Variants in OR7E24 observed in about 807,000 individuals in gnomAD.
The protein encoded by OR7E24 is olfactory receptor 7E24.
For missense variants in OR7E24, 385 were observed against 410.3 expected, an observed-to-expected ratio of 0.94 and a Z score of 0.53; for synonymous variants, 130 against 157.5, an observed-to-expected ratio of 0.83 and a Z score of 1.31.
chr19:9,250,922 A>G (rs1032705041), upstream of OR7E24: 10 of 707,826 alleles, frequency 1.4e-5, no homozygotes, highest in Middle Eastern at 6.1e-4. Context: ...AAGTAACTCT[A>G]AGGAAATTGG....
chr19:9,231,762 T>C, the OR7E24 span, among the ~76,000 whole-genome samples: 1 of 152,212 alleles, frequency 6.6e-6, no homozygotes, highest in Non-Finnish European at 1.5e-5. Flanking sequence ...ATATTAAGCC[T>C]GTTTGCTATT....
the OR7E24 span, among the ~76,000 whole-genome samples, chr19:9,230,090 G>GC: frequency 6.7e-5 from 10 of 149,560 alleles, no homozygotes; most frequent in Non-Finnish European, 1.3e-4. Flanking sequence ...TATTACCCAA[G>GC]CTGGAGTGCA....
At chr19:9,231,756 T>A in the OR7E24 span, among the ~76,000 whole-genome samples, 1 of 152,224 alleles carries the variant, frequency 6.6e-6, no homozygotes, top group Non-Finnish European at 1.5e-5. Context: ...ATCCTAATAT[T>A]AAGCCTGTTT....
chr19:9,233,051 G>A, the OR7E24 span, among the ~76,000 whole-genome samples: 1 of 152,042 alleles, frequency 6.6e-6, no homozygotes, highest in Non-Finnish European at 1.5e-5. Context: ...CAATTACTAA[G>A]CTCTCTGAGT....
upstream of OR7E24, among the ~76,000 whole-genome samples, chr19:9,242,413 A>AT (rs35486121): frequency 2.7e-3 from 414 of 151,838 alleles, 6 homozygotes; most frequent in African/African-American, 9.3e-3. Flanking sequence ...CACCTGGCTA[A>AT]TTTTTTTTGT....
At chr19:9,245,935 T>G (rs533496279), upstream of OR7E24, among the ~76,000 whole-genome samples, 2 of 152,216 alleles carry the variant, frequency 1.3e-5, no homozygotes, top group African/African-American at 4.8e-5. Context: ...GTGCACGGAC[T>G]GGTGGCTGAC....
the OR7E24 span, among the ~76,000 whole-genome samples, chr19:9,220,917 G>T: frequency 2.4e-4 from 37 of 152,274 alleles, no homozygotes; most frequent in Non-Finnish European, 4.4e-4. Context: ...GATGAAGTGA[G>T]GTGATATCTC....
chr19:9,227,535 T>C, the OR7E24 span, among the ~76,000 whole-genome samples: 1 of 152,050 alleles, frequency 6.6e-6, no homozygotes, highest in Non-Finnish European at 1.5e-5. Flanking sequence ...CCTGATATCA[T>C]TCTTTTTTAT....
the OR7E24 span, among the ~76,000 whole-genome samples, chr19:9,227,237 C>CTTT: frequency 1.4e-5 from 2 of 145,328 alleles, no homozygotes; most frequent in Admixed American, 1.4e-4. Context: ...CATTCTTTCT[C>CTTT]TTTTTTTTTT....
chr19:9,227,915 G>A, the OR7E24 span, among the ~76,000 whole-genome samples: 3 of 150,606 alleles, frequency 2.0e-5, no homozygotes, highest in African/African-American at 4.9e-5. Context: ...CACTACGCCC[G>A]GCTAATTTTT....
chr19:9,219,547 A>G, the OR7E24 span: 2 of 152,180 alleles, frequency 1.3e-5, no homozygotes, highest in Non-Finnish European at 2.9e-5. Flanking sequence ...TCTGATGGTT[A>G]TCACTGAAGT....
At chr19:9,243,487 C>T (rs1050057265), upstream of OR7E24, among the ~76,000 whole-genome samples, 10 of 151,954 alleles carry the variant, frequency 6.6e-5, no homozygotes, top group African/African-American at 2.4e-4. Context: ...CATCATCACA[C>T]CCAGTTAGGG....
At chr19:9,243,041 T>A, upstream of OR7E24, among the ~76,000 whole-genome samples, 1 of 152,200 alleles carries the variant, frequency 6.6e-6, no homozygotes, top group East Asian at 1.9e-4. Flanking sequence ...AGATTTGTTC[T>A]CTCATATAGT....
chr19:9,206,587 T>C, the OR7E24 span: 1 of 152,096 alleles, frequency 6.6e-6, no homozygotes, highest in Middle Eastern at 3.2e-3. Context: ...ACTGCAACCT[T>C]AAGGAAATGA....
rs1300668305 is a variant in OR7E24, at chr19:9,251,166, G to A, written c.123G>A (p.Leu41=). ...TGGGACTCTCAGAGGATCCAGAACT[G>A]CAGCCGGTCCTCGCTGGGCTGTTCC... ...LLLGLSEDPE[L]QPVLAGLFLS... The change falls in exon 1 of 1, where the codon CTG becomes CTA. Residue 41 remains leucine (L), a synonymous_variant. Coordinates refer to ENST00000456448, the MANE Select transcript of OR7E24 (RefSeq NM_001079935.2). The A allele has an allele frequency of 1.2e-6, 2 of 1,613,762 alleles. No individual in the cohort carries two copies. The highest frequency in any genetic ancestry group is 2.2e-5 in the East Asian group (1 of 44,884).
chr19:9,251,407 T>C lies in OR7E24; in HGVS notation c.364T>C (p.Phe122Leu), dbSNP rs200199432. The C allele has an allele frequency of 1.2e-4, 196 of 1,614,156 alleles. 2 individuals carry two copies. The African/African-American group carries it at 2.2e-3, about 18-fold the overall frequency. ...YEGCLTQMSF[F>L]VLFACMDDML... Reference sequence around the variant, plus strand: ...AGGCTGCCTGACTCAGATGTCTTTTTTTGTCCTTTTTGCATGTATGGATGA... The same window carrying C: ...AGGCTGCCTGACTCAGATGTCTTTTCTTGTCCTTTTTGCATGTATGGATGA... Residue 122 changes from phenylalanine (F) to leucine (L), a missense_variant, in exon 1 of 1, where the codon TTT (phenylalanine) becomes CTT (leucine). Phe to Leu is a conservative substitution (Grantham distance 22). Transcript: ENST00000456448.
At position 9,250,986 on chromosome 19, in the gene OR7E24, T is replaced by G. The variant is rs1568335968; in HGVS notation, c.-58T>G. ...GGGTGTATAATCCTATGTGAAAACT[T>G]AATTTCTTAATTGCTTGTATCCAAA... On this transcript the variant is annotated 5_prime_UTR_variant, in exon 1 of 1. Transcript: ENST00000456448. The G allele has an allele frequency of 2.3e-6, 3 of 1,314,946 alleles. No homozygotes were observed. The East Asian group carries it at 7.6e-5, about 33-fold the overall frequency. 81.5% of individuals were successfully genotyped at this position (1,314,946 alleles called of 1,614,324 possible).
At chr19:9,233,274 A>G in the OR7E24 span, among the ~76,000 whole-genome samples, 2 of 152,198 alleles carry the variant, frequency 1.3e-5, no homozygotes, top group African/African-American at 4.8e-5. Flanking sequence ...TTTTTCTACC[A>G]TGGTAAATGT....
rs753734011 is a variant in OR7E24, at chr19:9,251,140, C to G, written c.97C>G (p.Leu33Val). 1.9e-6 allele frequency: 3 copies of G among 1,613,228 alleles called. No individual in the cohort carries two copies. The highest frequency in any genetic ancestry group is 2.5e-6 in the Non-Finnish European group (3 of 1,179,328). ...CACAGGTGTCTCAGAATTCCTCCTC[C>G]TGGGACTCTCAGAGGATCCAGAACT... Reference protein sequence around the residue: ...NLTGVSEFLLLGLSEDPELQP... With the variant: ...NLTGVSEFLLVGLSEDPELQP... Residue 33 changes from leucine (L) to valine (V), a missense_variant, in exon 1 of 1, where the codon CTG (leucine) becomes GTG (valine). Physicochemically the swap from Leu to Val is conservative, Grantham distance 32 (BLOSUM62 1). Transcript: ENST00000456448.
Sources: allele counts gnomAD v4.1 joint callset (sites outside exome capture counted in the v4.1 genomes callset), GRCh38; gene constraint gnomAD v4.1.1; transcripts MANE v1.5; gene names NCBI Gene and HGNC (gene_info 2026-07-23, HGNC 2026-07-21).